PNPLA8: variants seen among roughly 807,000 people sequenced by gnomAD.
PNPLA8 encodes calcium-independent phospholipase A2-gamma.
A neutral mutation model predicts 76.9 loss-of-function variants in PNPLA8; 39 were observed. The ratio of observed to expected loss-of-function variants is 0.51; its 90% CI spans 0.39 to 0.66. The LOEUF (loss-of-function observed/expected upper bound fraction) is 0.66. Among genes scored for constraint, PNPLA8 ranks in the 30% least tolerant of loss-of-function variants. The pLI is 0.00. For missense variants in PNPLA8, 887 were observed against 918.0 expected (o/e 0.97, Z 0.44); for synonymous variants, 301 against 307.9 (o/e 0.98, Z 0.24).
At chr7:108,527,856 G>A (rs1381757432), upstream of PNPLA8, 1 of 152,206 alleles carries the variant, frequency 6.6e-6, no homozygotes, top group African/African-American at 2.4e-5. Context: ...GTTGGGAAGA[G>A]GGCTCAGAGG....
intron 9 of PNPLA8, among the ~76,000 whole-genome samples, chr7:108,483,691 T>C (rs1253075491): frequency 2.6e-5 from 4 of 152,222 alleles, no homozygotes; most frequent in Non-Finnish European, 1.5e-5. Flanking sequence ...TCTTTATACA[T>C]TTGTTGAAAG....
intron 9 of PNPLA8, among the ~76,000 whole-genome samples, chr7:108,484,522 C>T (rs765786649): frequency 2.4e-4 from 36 of 152,050 alleles, no homozygotes; most frequent in Non-Finnish European, 3.8e-4. Flanking sequence ...CACTGTATCT[C>T]AGCACTACAA....
At chr7:108,477,879 C>T (rs1365484124) in intron 10 of PNPLA8, among the ~76,000 whole-genome samples, 2 of 152,092 alleles carry the variant, frequency 1.3e-5, no homozygotes, top group African/African-American at 2.4e-5. Context: ...CACACACACA[C>T]ACAAACACCT....
Position 108,517,210 on chromosome 7 carries a change from A to G in PNPLA8, c.-83-1636T>C, listed in dbSNP as rs563335502. The stretch of plus-strand genomic sequence containing the variant: ...TGCAAACTAAAATAACCATGATACT[A>G]CTACATATCTATTAGAATGGCCAGA... On this transcript the variant is annotated intron_variant, in intron 2 of 10. Transcript: ENST00000257694. 2.0e-5 allele frequency among the ~76,000 whole-genome samples: 3 copies of G among 152,342 alleles called. No homozygotes were observed. In the South Asian group the frequency reaches 6.2e-4, roughly 32 times the overall value.
At chr7:108,479,485 A>C in intron 9 of PNPLA8, 106 bp from the exon 10 acceptor site, 1 of 773,174 alleles carries the variant, frequency 1.3e-6, no homozygotes, top group South Asian at 1.9e-5. Context: ...GGTTCCTTAA[A>C]AGTGCATTTC....
intron 2 of PNPLA8, among the ~76,000 whole-genome samples, chr7:108,517,294 C>T (rs773231478): frequency 3.5e-4 from 53 of 152,184 alleles, no homozygotes; most frequent in Non-Finnish European, 6.8e-4. Context: ...GGAACTCTCA[C>T]TCATTGCTGA....
chr7:108,523,639 C>CT (rs1598988231), intron 1 of PNPLA8, among the ~76,000 whole-genome samples: 1 of 152,208 alleles, frequency 6.6e-6, no homozygotes, highest in African/African-American at 2.4e-5. Flanking sequence ...AAAAAATCCA[C>CT]TGCGGTGAGC....
At chr7:108,525,405 T>A (rs1864005093) in intron 1 of PNPLA8, among the ~76,000 whole-genome samples, 1 of 152,248 alleles carries the variant, frequency 6.6e-6, no homozygotes, top group South Asian at 2.1e-4. Context: ...GTTTTTCCTA[T>A]GAGTCACCAT....
intron 9 of PNPLA8, among the ~76,000 whole-genome samples, chr7:108,483,771 G>T (rs1361557033): frequency 1.3e-5 from 2 of 152,130 alleles, no homozygotes; most frequent in Non-Finnish European, 1.5e-5. Flanking sequence ...TTCCTTCAAT[G>T]CAGGTGGTAA....
intron 10 of PNPLA8, among the ~76,000 whole-genome samples, chr7:108,472,914 C>G (rs1191285221): frequency 6.6e-6 from 1 of 152,174 alleles, no homozygotes; most frequent in Admixed American, 6.5e-5. Flanking sequence ...CTTCTATTCT[C>G]TCTGTGCTTT....
intron 2 of PNPLA8, among the ~76,000 whole-genome samples, chr7:108,515,801 GA>G (rs1184267129): frequency 6.6e-6 from 1 of 152,220 alleles, no homozygotes; most frequent in Non-Finnish European, 1.5e-5. Flanking sequence ...TGTTTAGGGA[GA>G]AGAACTAATT....
chr7:108,527,592 A>C (rs965655810), upstream of PNPLA8: 2 of 152,226 alleles, frequency 1.3e-5, no homozygotes, highest in East Asian at 3.8e-4. Flanking sequence ...ATTGGCCTCA[A>C]GTTTTAATAC....
chr7:108,496,676 T>A lies in PNPLA8; in HGVS notation c.1533A>T (p.Ser511=). 1 of 1,612,386 alleles carries A rather than the reference T, an allele frequency of 6.2e-7. No individual in the cohort carries two copies. Among genetic ancestry groups the A allele is most frequent in the Non-Finnish European group, 8.5e-7 (1 of 1,178,932 alleles). The change falls in exon 7 of 11, where the codon TCA becomes TCT. Residue 511 remains serine, a synonymous_variant. Coordinates refer to ENST00000257694, the MANE Select transcript of PNPLA8 (RefSeq NM_001256007.3). The stretch of plus-strand genomic sequence containing the variant: ...CAATGACATTTTGTGAAAATACATC[T>A]GATCCTAATTTTCGATAAAGTTCCT... The part of the protein sequence containing the change: ...ECEELYRKLG[S]DVFSQNVIVG...
chr7:108,485,749 T>C (rs974525787), intron 9 of PNPLA8, among the ~76,000 whole-genome samples: 1 of 152,114 alleles, frequency 6.6e-6, no homozygotes, highest in Non-Finnish European at 1.5e-5. Flanking sequence ...AAATATCCCA[T>C]TTCTTCTTCA....
At chr7:108,502,325 T>G (rs1313251369) in intron 5 of PNPLA8, among the ~76,000 whole-genome samples, 166 bp downstream of exon 5, 5 of 149,700 alleles carry the variant, frequency 3.3e-5, no homozygotes, top group Non-Finnish European at 5.9e-5. Flanking sequence ...AGCCTGTAAA[T>G]CCAGCTACTT....
chr7:108,473,020 C>A (rs1859734653), intron 10 of PNPLA8, among the ~76,000 whole-genome samples: 1 of 152,142 alleles, frequency 6.6e-6, no homozygotes, highest in Non-Finnish European at 1.5e-5. Context: ...CAGTGCAACT[C>A]ACCAATTTTA....
upstream of PNPLA8, chr7:108,527,874 C>T (rs1864146227): frequency 6.6e-6 from 1 of 152,232 alleles, no homozygotes; most frequent in African/African-American, 2.4e-5. Context: ...AGGAGCCTAA[C>T]TAAAGTATGG....
intron 7 of PNPLA8, among the ~76,000 whole-genome samples, chr7:108,493,592 T>C (rs1358603480): frequency 1.4e-5 from 2 of 144,926 alleles, no homozygotes; most frequent in African/African-American, 5.1e-5. Flanking sequence ...TTTTTTTTTT[T>C]TGTATTTTTA....
rs1036529900 is a variant in PNPLA8, at chr7:108,513,201, C to G, written c.1206+943G>C. Among the ~76,000 whole-genome samples, 5 of 152,174 alleles carry G rather than the reference C, an allele frequency of 3.3e-5. No individual in the cohort carries two copies. The East Asian group carries it at 5.8e-4, about 18-fold the overall frequency. On this transcript the variant is annotated intron_variant, in intron 4 of 10. Coordinates refer to ENST00000257694, the MANE Select transcript of PNPLA8 (RefSeq NM_001256007.3). ...TAATTCTATTTAAGATCTTTGCTTT[C>G]AGTATATCACTGAAATGTGAAATAT...
Sources: gnomAD v4.1 joint callset for allele counts (sites outside exome capture counted in the v4.1 genomes callset) on GRCh38, gnomAD v4.1.1 for gene constraint, MANE v1.5 for transcripts, NCBI Gene and HGNC (gene_info 2026-07-23, HGNC 2026-07-21) for gene names.